Variants in PBRM1 observed in about 807,000 individuals in gnomAD.
PBRM1 encodes polybromo 1, also known as protein polybromo-1.
A neutral mutation model predicts 194.5 loss-of-function variants in PBRM1; 27 were observed. The ratio of observed to expected loss-of-function variants is 0.14; its 90% CI spans 0.10 to 0.19. The LOEUF is 0.19. PBRM1 is among the 10% of genes least tolerant of loss of function. The probability of loss-of-function intolerance (pLI) is 1.00; values close to 1 mark genes in which losing one functional copy is unlikely to be tolerated. For synonymous variants in PBRM1, 655 were observed against 693.2 expected, an observed-to-expected ratio of 0.94 and a Z score of 0.87; for missense variants, 1,466 against 2,077.2, an observed-to-expected ratio of 0.71 and a Z score of 5.72.
At position 52,576,399 on chromosome 3, in the gene PBRM1, T is replaced by C. The variant is rs7652191; in HGVS notation, c.3691+142A>G. On this transcript the variant is annotated intron_variant, in intron 22 of 29. Transcript: ENST00000296302. ...TTTAATTTATCGACTGACTCCCCAA[T>C]CTCTGCCCCAACATAAGAGAACAGA... 217,012 of 506,190 alleles carry C rather than the reference T, an allele frequency of 0.43. 48,184 individuals carry two copies. Among genetic ancestry groups the C allele is most frequent in the African/African-American group, 0.52 (25,895 of 49,904 alleles). The allele number at this position is 506,190 out of a possible 1,614,324, so 31.4% of individuals were successfully genotyped here.
At chr3:52,577,895 T>C (rs1038102490) in intron 21 of PBRM1, among the ~76,000 whole-genome samples, 1 of 152,152 alleles carries the variant, frequency 6.6e-6, no homozygotes, top group Non-Finnish European at 1.5e-5. Context: ...AAACAATCGA[T>C]GGCACTCCAT....
exon 11 of PBRM1, chr3:52,634,721 C>A (rs1333911211): frequency 6.2e-7 from 1 of 1,613,756 alleles, no homozygotes; most frequent in Middle Eastern, 1.6e-4. Flanking sequence ...TCCGACAACT[C>A]CTAACTGTGT....
chr3:52,647,348 A>T (rs1442311425), intron 7 of PBRM1, among the ~76,000 whole-genome samples: 1 of 148,054 alleles, frequency 6.8e-6, no homozygotes, highest in Non-Finnish European at 1.5e-5. Context: ...TTTGGAAAAC[A>T]GTTTGGCGGT....
At chr3:52,658,143 T>C (rs2096645317) in intron 5 of PBRM1, 56 bp downstream of exon 6, 5 of 834,274 alleles carry the variant, frequency 6.0e-6, no homozygotes, top group East Asian at 2.5e-5. Flanking sequence ...AATACAATTC[T>C]TGAAGTACTA....
At chr3:52,664,413 A>G (rs1197082742) in intron 3 of PBRM1, among the ~76,000 whole-genome samples, 12 of 30,536 alleles carry the variant, frequency 3.9e-4, no homozygotes, top group African/African-American at 1.4e-3. Flanking sequence ...GAAAGAACTG[A>G]AAAAAAAAAA....
chr3:52,629,832 A>G (rs1026562368), intron 11 of PBRM1, among the ~76,000 whole-genome samples: 1 of 152,256 alleles, frequency 6.6e-6, no homozygotes, highest in Non-Finnish European at 1.5e-5. Flanking sequence ...AAAGACAGTT[A>G]ACAATAATAT....
intron 4 of PBRM1, among the ~76,000 whole-genome samples, chr3:52,660,169 C>T (rs978900599): frequency 6.6e-6 from 1 of 152,166 alleles, no homozygotes; most frequent in Non-Finnish European, 1.5e-5. Flanking sequence ...ATCAATTATG[C>T]GTTACAGAAG....
chr3:52,650,972 T>C (rs928442387), intron 6 of PBRM1, among the ~76,000 whole-genome samples: 3 of 152,184 alleles, frequency 2.0e-5, no homozygotes, highest in African/African-American at 4.8e-5. Flanking sequence ...AAACAGTAAG[T>C]GTAAGGGTTG....
At chr3:52,617,213 C>A (rs372154787) in intron 14 of PBRM1, 49 bp downstream of exon 16, 15 of 1,517,050 alleles carry the variant, frequency 9.9e-6, no homozygotes, top group South Asian at 1.2e-5. Context: ...TCTATAAGTA[C>A]CCCTCTCCCG....
rs754569052 is a variant in PBRM1 at position 52,642,048 on chromosome 3, A to AT, written c.996-4_996-3insA. ...CTCCTTGTACTGCTCTTTTATTACT[A>AT]CAAAAAAAAAAAAAGCAATTAGACA... On this transcript the variant is annotated splice_polypyrimidine_tract_variant and splice_region_variant and intron_variant, in intron 9 of 29. Transcript: ENST00000296302. 8,796 of 1,215,668 alleles carry AT rather than the reference A, an allele frequency of 7.2e-3. 22 individuals are homozygous for AT. The highest frequency in any genetic ancestry group is 8.8e-3 in the East Asian group (313 of 35,730). 75.3% of individuals were successfully genotyped at this position (1,215,668 alleles called of 1,614,324 possible).
At chr3:52,674,060 AT>A (rs1226923465) in intron 2 of PBRM1, among the ~76,000 whole-genome samples, 6 of 151,112 alleles carry the variant, frequency 4.0e-5, no homozygotes, top group Non-Finnish European at 8.9e-5. Flanking sequence ...CAAAAAAAAA[AT>A]ATATATATAG....
chr3:52,603,400 TA>T, intron 17 of PBRM1, 120 bp downstream of exon 19: 1 of 984,174 alleles, frequency 1.0e-6, no homozygotes, highest in Non-Finnish European at 1.5e-6. Context: ...GCGTCTACTC[TA>T]ATATAGTCAA....
intron 27 of PBRM1, among the ~76,000 whole-genome samples, chr3:52,553,858 C>T (rs1415594158): frequency 1.3e-5 from 2 of 152,054 alleles, no homozygotes. Context: ...GACGGTGTTT[C>T]ACCATATTGG....
intron 5 of PBRM1, among the ~76,000 whole-genome samples, chr3:52,657,027 T>A (rs191705981): frequency 6.6e-6 from 1 of 152,254 alleles, no homozygotes; most frequent in Non-Finnish European, 1.5e-5. Flanking sequence ...CCTGAACATA[T>A]GCTAAGTGAA....
At chr3:52,630,559 C>T (rs2095585654) in intron 11 of PBRM1, among the ~76,000 whole-genome samples, 1 of 152,124 alleles carries the variant, frequency 6.6e-6, no homozygotes, top group African/African-American at 2.4e-5. Context: ...ATAGCACTGC[C>T]CCTAGACCTC....
chr3:52,550,575 A>G (rs2080706940), exon 29 of PBRM1: 1 of 1,542,396 alleles, frequency 6.5e-7, no homozygotes, highest in East Asian at 2.3e-5. Context: ...CAGGGGGTCC[A>G]GCTGGATGTG....
intron 17 of PBRM1, among the ~76,000 whole-genome samples, chr3:52,597,725 GGA>G (rs1319111916): frequency 6.6e-6 from 1 of 151,920 alleles, no homozygotes; most frequent in African/African-American, 2.4e-5. Flanking sequence ...CAGCTACTCG[GGA>G]GAGTCTCACT....
intron 10 of PBRM1, among the ~76,000 whole-genome samples, chr3:52,636,532 C>CA (rs1240993818): frequency 6.6e-6 from 1 of 150,992 alleles, no homozygotes; most frequent in Admixed American, 6.6e-5. Context: ...CCAAGGCGGG[C>CA]AAATCATGAG....
At chr3:52,638,073 CAT>C (rs1329885330) in intron 10 of PBRM1, among the ~76,000 whole-genome samples, 3 of 152,156 alleles carry the variant, frequency 2.0e-5, no homozygotes, top group African/African-American at 4.8e-5. Context: ...CTGAGCAAAT[CAT>C]ATGATTTTAC....
Sources: allele counts gnomAD v4.1 joint callset (sites outside exome capture counted in the v4.1 genomes callset), GRCh38; gene constraint gnomAD v4.1.1; transcripts MANE v1.5; gene names NCBI Gene and HGNC (gene_info 2026-07-23, HGNC 2026-07-21).